CYP4B1: variants seen among roughly 807,000 people sequenced by gnomAD.
The protein encoded by CYP4B1 is cytochrome P450 family 4 subfamily B member 1.
CYP4B1 carries 45 observed loss-of-function variants against 54.0 expected under a neutral mutation model. That is an observed-to-expected ratio of 0.83 (90% CI 0.66 to 1.07). The LOEUF (loss-of-function observed/expected upper bound fraction) is 1.07, where lower values mean the gene tolerates loss of function less well. CYP4B1 is among the 50% of genes least tolerant of loss of function. CYP4B1 has a pLI of 0.00. For missense variants in CYP4B1, 656 were observed against 655.4 expected (o/e 1.00, Z -0.01); for synonymous variants, 248 against 247.5 (o/e 1.00, Z -0.02).
At position 46,817,130 on chromosome 1, in the gene CYP4B1, C is replaced by A. The variant is rs576551322; in HGVS notation, c.1156C>A (p.Arg386Ser). 3 of 1,614,176 alleles carry A rather than the reference C, an allele frequency of 1.9e-6. No individual in the cohort carries two copies. Among genetic ancestry groups the A allele is most frequent in the African/African-American group, 1.3e-5 (1 of 75,026 alleles). Residue 386 changes from arginine to serine, a missense_variant, in exon 9 of 12, where the codon CGC becomes AGC. Transcript: ENST00000371923. The stretch of plus-strand genomic sequence containing the variant: ...CTACCCACCTGTGCCCCAGGTGTAC[C>A]GCCAGCTCAGCAAGCCTGTCACCTT... ...RLYPPVPQVYRQLSKPVTFVD... is the reference protein window; with the variant it reads ...RLYPPVPQVYSQLSKPVTFVD...
rs894906576 is a variant in CYP4B1 at position 46,799,195 on chromosome 1, G to T, written c.114G>T (p.Thr38=). 1.2e-6 allele frequency: 2 copies of T among 1,609,456 alleles called. No individual in the cohort carries two copies. Among genetic ancestry groups the T allele is most frequent in the African/African-American group, 2.7e-5 (2 of 74,850 alleles). The change falls in exon 1 of 12, where the codon ACG becomes ACT. Residue 38 remains threonine, a synonymous_variant. Transcript: ENST00000371923. ...TCCACCTGCTGCTGCGGAGGCAGAC[G>T]TTGGCTAAGGCTATGGACAAATTCC... The part of the protein sequence containing the change: ...KLIHLLLRRQ[T]LAKAMDKFPG...
chr1:46,812,550 T>C lies in CYP4B1; in HGVS notation c.422T>C (p.Leu141Pro), dbSNP rs1233169608. The change falls in exon 4 of 12, where the codon CTC (leucine) becomes CCC (proline). Residue 141 changes from leucine (L) to proline (P), a missense_variant. Transcript: ENST00000371923. ...GPKWLQHRKL[L>P]TPGFHYDVLK... ...AAGTGGTTGCAGCACCGCAAGCTGC[T>C]CACACCTGGCTTTCATTATGATGTG... 1 of 1,614,058 alleles carries C rather than the reference T, an allele frequency of 6.2e-7. No homozygotes were observed. The highest frequency in any genetic ancestry group is 1.1e-5 in the South Asian group (1 of 91,072).
At chr1:46,815,387 C>T (rs1256283637) in intron 8 of CYP4B1, 123 bp downstream of exon 8, 4 of 861,066 alleles carry the variant, frequency 4.6e-6, no homozygotes, top group African/African-American at 3.5e-5. Flanking sequence ...CCCCCAGTGT[C>T]ATACCTTTTG....
rs563121672 is a variant in CYP4B1 at position 46,802,048 on chromosome 1, G to C, written c.180+2787G>C. ...CAATTCTCAGAATGTGTCTTCTGGA[G>C]GTGGGGACATGTCCTATTCTTCCAG... is the stretch of plus-strand genomic sequence containing the variant. On this transcript the variant is annotated intron_variant, in intron 1 of 11. Coordinates refer to ENST00000371923, the MANE Select transcript of CYP4B1 (RefSeq NM_001099772.2). Among the ~76,000 whole-genome samples, 3 of 152,292 alleles carry C rather than the reference G, an allele frequency of 2.0e-5. No homozygotes were observed. In the East Asian group the frequency reaches 5.8e-4, roughly 29 times the overall value.
Position 46,812,040 on chromosome 1 carries a change from G to A in CYP4B1, c.368-456G>A, listed in dbSNP as rs1008866662. The A allele has an allele frequency of 7.8e-6, 3 of 386,988 alleles. No individual in the cohort carries two copies. The Admixed American group carries it at 8.9e-5, about 11-fold the overall frequency. The allele number at this position is 386,988 out of a possible 1,614,324, so 24.0% of individuals were successfully genotyped here. ...CATTTCCATTGCTGGGTGTGTTGGAGTGGGGTAGGAAGGGTCCCACCTGAG... is the reference window on the plus strand; with the variant it reads ...CATTTCCATTGCTGGGTGTGTTGGAATGGGGTAGGAAGGGTCCCACCTGAG... On this transcript the variant is annotated intron_variant, in intron 3 of 11. Transcript: ENST00000371923.
intron 7 of CYP4B1, 34 bp downstream of exon 7, chr1:46,814,349 C>A: frequency 6.5e-7 from 1 of 1,538,798 alleles, no homozygotes; most frequent in Non-Finnish European, 8.9e-7. Context: ...TACCTGAGGA[C>A]TGGTCCCAGA....
At chr1:46,802,631 G>T (rs1678705612) in intron 1 of CYP4B1, among the ~76,000 whole-genome samples, 1 of 152,144 alleles carries the variant, frequency 6.6e-6, no homozygotes, top group African/African-American at 2.4e-5. Context: ...AACCAGATAT[G>T]GTCCCTCTTT....
chr1:46,816,960 G>A lies in CYP4B1; in HGVS notation c.1074-88G>A, dbSNP rs964480487. ...TGACTCTTGAGTGTGTGGTGGTGGT[G>A]AGGGAGGAAAACTGGGGCTGGGGTC... is the stretch of plus-strand genomic sequence containing the variant. On this transcript the variant is annotated intron_variant, in intron 8 of 11. Transcript: ENST00000371923. 1.1e-5 allele frequency: 17 copies of A among 1,489,070 alleles called. No homozygotes were observed. In the Middle Eastern group the frequency reaches 7.0e-4, roughly 61 times the overall value. 92.2% of individuals were successfully genotyped at this position (1,489,070 alleles called of 1,614,324 possible).
rs1557484389 is a variant in CYP4B1, at chr1:46,800,203, CTTTCTTTCTT to C, written c.180+944_180+953del. ...TCTTTCTCTTTCTTTCTTTCTCTTTCTTTCTTTCTTTCTCTTTCTCTCTTTCTTTCTTTCT... is the reference window on the plus strand; with the variant it reads ...TCTTTCTCTTTCTTTCTTTCTCTTTCTCTCTTTCTCTCTTTCTTTCTTTCT... On this transcript the variant is annotated intron_variant, in intron 1 of 11. Transcript: ENST00000371923. 1.8e-4 allele frequency among the ~76,000 whole-genome samples: 6 copies of C among 33,528 alleles called. 1 individual carries two copies. The highest frequency in any genetic ancestry group is 5.0e-4 in the Non-Finnish European group (5 of 9,994). The allele number at this position is 33,528 out of a possible 152,430, so 22.0% of individuals were successfully genotyped here. A position where few individuals can be genotyped will look rare whatever the true frequency, so the allele number is the denominator to read the frequency against.
intron 4 of CYP4B1, 71 bp from the exon 5 acceptor site, chr1:46,813,411 A>C: frequency 6.2e-7 from 1 of 1,601,722 alleles, no homozygotes; most frequent in Non-Finnish European, 8.5e-7. Flanking sequence ...CCTGGAGGGC[A>C]GCTTGGGGCA....
chr1:46,812,185 G>C (rs761635104), intron 3 of CYP4B1: 106 of 514,694 alleles, frequency 2.1e-4, no homozygotes, highest in Non-Finnish European at 3.8e-4. Context: ...AGGGGGATGC[G>C]TGTCCTTTGT....
At chr1:46,808,105 A>G (rs1316537051) in intron 1 of CYP4B1, among the ~76,000 whole-genome samples, 2 of 152,148 alleles carry the variant, frequency 1.3e-5, no homozygotes, top group Non-Finnish European at 2.9e-5. Flanking sequence ...CAGACATCAC[A>G]TGGCAAGAGA....
chr1:46,800,114 C>A (rs746914296), intron 1 of CYP4B1, among the ~76,000 whole-genome samples: 14 of 152,014 alleles, frequency 9.2e-5, no homozygotes, highest in Non-Finnish European at 1.8e-4. Flanking sequence ...AGAGACTTTT[C>A]TTTCTTTCCC....
Position 46,812,509 on chromosome 1 carries a change from G to A in CYP4B1, c.381G>A (p.Leu127=). The change falls in exon 4 of 12, where the codon CTG becomes CTA. Residue 127 remains leucine, a synonymous_variant. Transcript: ENST00000371923. ...FFLQWIGRGL[L]VLEGPKWLQH... is the part of the protein sequence containing the mutation. ...TCCCTTCCCCAGGGAGAGGCCTGCTGGTTCTTGAGGGGCCCAAGTGGTTGC... is the reference window on the plus strand; with the variant it reads ...TCCCTTCCCCAGGGAGAGGCCTGCTAGTTCTTGAGGGGCCCAAGTGGTTGC... The A allele has an allele frequency of 6.2e-7, 1 of 1,613,468 alleles. No individual in the cohort carries two copies. The highest frequency in any genetic ancestry group is 8.5e-7 in the Non-Finnish European group (1 of 1,179,706).
At chr1:46,814,186 G>T in intron 6 of CYP4B1, 23 bp from the exon 7 acceptor site, 1 of 1,613,290 alleles carries the variant, frequency 6.2e-7, no homozygotes, top group South Asian at 1.1e-5. Context: ...CCCAGGCAGT[G>T]ACACTCTGTG....
intron 1 of CYP4B1, among the ~76,000 whole-genome samples, chr1:46,802,005 T>A (rs189442630): frequency 2.6e-5 from 4 of 152,276 alleles, no homozygotes; most frequent in African/African-American, 4.8e-5. Flanking sequence ...CTTGGTAGCA[T>A]CTACCTGTCA....
In CYP4B1 at chr1:46,814,273, C is replaced by T. The variant is rs559516007; in HGVS notation, c.840C>T (p.Asn280=). Residue 280 remains asparagine, a synonymous_variant, in exon 7 of 12, where the codon AAC becomes AAT. Coordinates refer to ENST00000371923, the MANE Select transcript of CYP4B1 (RefSeq NM_001099772.2). ...AGAAGGTGCGGAAGAAGATCCAGAA[C>T]CGGAGGCACCTGGACTTCCTGGACA... ...QDEKVRKKIQ[N]RRHLDFLDIL... is the part of the protein sequence containing the mutation. The T allele has an allele frequency of 1.2e-6, 2 of 1,614,166 alleles. No individual in the cohort carries two copies. The highest frequency in any genetic ancestry group is 1.7e-6 in the Non-Finnish European group (2 of 1,180,008).
At chr1:46,818,284 C>T in intron 11 of CYP4B1, 71 bp downstream of exon 11, 5 of 1,376,284 alleles carry the variant, frequency 3.6e-6, no homozygotes, top group Non-Finnish European at 5.2e-6. Context: ...ATAGGGGAGG[C>T]ACTATTAGAA....
chr1:46,800,261 CCT>C (rs1197564607), intron 1 of CYP4B1, among the ~76,000 whole-genome samples: 21 of 103,890 alleles, frequency 2.0e-4, no homozygotes, highest in East Asian at 1.2e-3. Flanking sequence ...TTCCTTCCTT[CCT>C]TCCTTCCTTC....
Sources: gnomAD v4.1 joint callset for allele counts (sites outside exome capture counted in the v4.1 genomes callset) on GRCh38, gnomAD v4.1.1 for gene constraint, MANE v1.5 for transcripts, NCBI Gene and HGNC (gene_info 2026-07-23, HGNC 2026-07-21) for gene names.